Variants in FHOD3 observed in about 807,000 individuals in gnomAD.
FHOD3 encodes the protein formin homology 2 domain containing 3.
FHOD3 carries 90 observed loss-of-function variants against 173.0 expected under a neutral mutation model. The observed-to-expected ratio is 0.52, with a 90% confidence interval of 0.44 to 0.62. FHOD3 has a LOEUF of 0.62. Among genes scored for constraint, FHOD3 ranks in the 20% least tolerant of loss-of-function variants. The pLI is 0.00. For missense variants in FHOD3, 1,945 were observed against 2,034.7 expected (o/e 0.96, Z 0.85); for synonymous variants, 828 against 823.0 (o/e 1.01, Z -0.10).
intron 14 of FHOD3, among the ~76,000 whole-genome samples, chr18:36,676,649 A>T (rs949228147): frequency 3.3e-5 from 5 of 152,180 alleles, no homozygotes; most frequent in African/African-American, 1.2e-4. Context: ...GAAGCAGTGT[A>T]TGAGTTATTC....
chr18:36,543,074 G>A (rs2057286037), intron 5 of FHOD3, among the ~76,000 whole-genome samples: 1 of 152,070 alleles, frequency 6.6e-6, no homozygotes, highest in South Asian at 2.1e-4. Context: ...TGCAAAAGAC[G>A]GTGCTAAGAC....
intron 5 of FHOD3, among the ~76,000 whole-genome samples, chr18:36,571,823 T>C (rs2058463157): frequency 6.6e-6 from 1 of 152,240 alleles, no homozygotes. Flanking sequence ...CTATGCTTCT[T>C]TGTACAACAG....
intron 10 of FHOD3, among the ~76,000 whole-genome samples, chr18:36,639,662 CAAAA>C (rs565028489): frequency 1.3e-5 from 1 of 77,862 alleles, no homozygotes; most frequent in South Asian, 4.5e-4. Flanking sequence ...GACTCCATCT[CAAAA>C]AAAAAAAAAA....
rs1354392319 is a variant in FHOD3, at chr18:36,651,297, C to A, written c.1287-1273C>A. Among the ~76,000 whole-genome samples, 4 of 152,138 alleles carry A rather than the reference C, an allele frequency of 2.6e-5. No homozygotes were observed. In the East Asian group the frequency reaches 7.7e-4, roughly 29 times the overall value. On this transcript the variant is annotated intron_variant, in intron 11 of 28. Coordinates refer to ENST00000590592, the MANE Select transcript of FHOD3 (RefSeq NM_001281740.3). ...ACATTCCATGTTCACACGAACATGG[C>A]TGGGAGTCAATTTCTCTGAGAGAGG...
At chr18:36,751,043 A>C (rs2042382422) in intron 24 of FHOD3, among the ~76,000 whole-genome samples, 1 of 152,202 alleles carries the variant, frequency 6.6e-6, no homozygotes, top group Non-Finnish European at 1.5e-5. Context: ...TGATAGGAAT[A>C]GCATTGAATC....
chr18:36,311,823 G>T (rs1359959834), intron 1 of FHOD3, among the ~76,000 whole-genome samples: 1 of 152,196 alleles, frequency 6.6e-6, no homozygotes, highest in Non-Finnish European at 1.5e-5. Context: ...TTTGCTGATG[G>T]GGGGAGGGGG....
intron 17 of FHOD3, among the ~76,000 whole-genome samples, chr18:36,700,042 T>G (rs1016686265): frequency 7.2e-5 from 11 of 152,214 alleles, no homozygotes; most frequent in Non-Finnish European, 1.3e-4. Context: ...GTCTTAGTCT[T>G]TTCTCATTGT....
intron 3 of FHOD3, among the ~76,000 whole-genome samples, chr18:36,487,066 G>A (rs1371919351): frequency 6.6e-6 from 1 of 152,160 alleles, no homozygotes; most frequent in African/African-American, 2.4e-5. Flanking sequence ...GTTGTTTCCA[G>A]TAGGGTGTTT....
intron 4 of FHOD3, among the ~76,000 whole-genome samples, chr18:36,508,022 A>G (rs1964899066): frequency 6.6e-6 from 1 of 152,216 alleles, no homozygotes; most frequent in African/African-American, 2.4e-5. Context: ...CAGTGTTAGT[A>G]AAATATACCC....
intron 11 of FHOD3, among the ~76,000 whole-genome samples, chr18:36,649,739 G>T (rs1423769634): frequency 2.0e-5 from 3 of 152,120 alleles, no homozygotes; most frequent in African/African-American, 4.8e-5. Context: ...CCCCTAAGAA[G>T]ATTCTTGCCC....
chr18:36,432,447 C>CT (rs1204419966), intron 3 of FHOD3, among the ~76,000 whole-genome samples: 1 of 152,126 alleles, frequency 6.6e-6, no homozygotes, highest in African/African-American at 2.4e-5. Context: ...TTCAAGGGGT[C>CT]TTTTTTCCTA....
chr18:36,770,150 G>T (rs978919122), intron 28 of FHOD3, among the ~76,000 whole-genome samples: 1 of 152,198 alleles, frequency 6.6e-6, no homozygotes, highest in African/African-American at 2.4e-5. Flanking sequence ...TGCATGAGCT[G>T]TGGCCTTGAG....
chr18:36,759,817 A>T (rs775354784), intron 26 of FHOD3, among the ~76,000 whole-genome samples: 6 of 152,266 alleles, frequency 3.9e-5, no homozygotes, highest in Non-Finnish European at 7.3e-5. Flanking sequence ...GGAAGCCAGC[A>T]GTCTGTGGAG....
intron 13 of FHOD3, among the ~76,000 whole-genome samples, chr18:36,655,357 CT>C (rs1568558310): frequency 6.6e-6 from 1 of 152,210 alleles, no homozygotes; most frequent in East Asian, 1.9e-4. Context: ...GGTCTCGGCC[CT>C]AGTTGGGGCT....
intron 6 of FHOD3, among the ~76,000 whole-genome samples, chr18:36,583,265 C>G (rs1194765540): frequency 6.6e-6 from 1 of 152,168 alleles, no homozygotes; most frequent in Non-Finnish European, 1.5e-5. Context: ...CGATATGCTG[C>G]ATCTGACAGT....
intron 3 of FHOD3, among the ~76,000 whole-genome samples, chr18:36,458,896 G>A (rs993093433): frequency 6.6e-6 from 1 of 152,066 alleles, no homozygotes; most frequent in Non-Finnish European, 1.5e-5. Flanking sequence ...ATTTCTGCAC[G>A]TATCCTTTCA....
At chr18:36,405,639 T>C (rs2049018601) in intron 3 of FHOD3, among the ~76,000 whole-genome samples, 1 of 152,196 alleles carries the variant, frequency 6.6e-6, no homozygotes, top group African/African-American at 2.4e-5. Flanking sequence ...GGAATAAAGC[T>C]AAGGACCAAT....
At chr18:36,423,076 G>A (rs1161929626) in intron 3 of FHOD3, among the ~76,000 whole-genome samples, 2 of 147,820 alleles carry the variant, frequency 1.4e-5, no homozygotes, top group Non-Finnish European at 3.0e-5. Flanking sequence ...AGGTACACAT[G>A]TCCCCCTCAC....
chr18:36,532,431 G>C (rs2056824955), intron 5 of FHOD3, among the ~76,000 whole-genome samples: 1 of 152,186 alleles, frequency 6.6e-6, no homozygotes, highest in South Asian at 2.1e-4. Flanking sequence ...GCACCTGGGG[G>C]ACAGGGGACC....
Sources: allele counts gnomAD v4.1 joint callset (sites outside exome capture counted in the v4.1 genomes callset), GRCh38; gene constraint gnomAD v4.1.1; transcripts MANE v1.5; gene names NCBI Gene and HGNC (gene_info 2026-07-23, HGNC 2026-07-21).